The following ABCD2 variants were observed in gnomAD, a reference collection of about 807,000 sequenced individuals.
ABCD2 encodes ATP-binding cassette sub-family D member 2.
A neutral mutation model predicts 70.9 loss-of-function variants in ABCD2; 36 were observed. That is an observed-to-expected ratio of 0.51 (90% CI 0.39 to 0.67). The LOEUF (loss-of-function observed/expected upper bound fraction) is 0.67. Among genes scored for constraint, ABCD2 ranks in the 30% least tolerant of loss-of-function variants. ABCD2 has a pLI of 0.00. For synonymous variants in ABCD2, 304 were observed against 306.9 expected, an observed-to-expected ratio of 0.99 and a Z score of 0.10; for missense variants, 729 against 890.2, an observed-to-expected ratio of 0.82 and a Z score of 2.30.
At position 39,619,660 on chromosome 12, in the gene ABCD2, A is replaced by C. The variant is rs1408865058; in HGVS notation, c.-45T>G. The C allele has an allele frequency of 1.3e-6, 2 of 1,532,178 alleles. No homozygotes were observed. The highest frequency in any genetic ancestry group is 4.5e-5 in the East Asian group (2 of 44,076). 94.9% of individuals were successfully genotyped at this position (1,532,178 alleles called of 1,614,324 possible). On this transcript the variant is annotated 5_prime_UTR_variant, in exon 1 of 10. Transcript: ENST00000308666. ...GGCTTCCAAAAGAATTCGTTTTAAA[A>C]GATCATGCTTCACAGAAATCCCCAG...
chr12:39,609,675 C>A (rs888553394), intron 2 of ABCD2, among the ~76,000 whole-genome samples: 4 of 152,060 alleles, frequency 2.6e-5, no homozygotes, highest in African/African-American at 9.7e-5. Flanking sequence ...AGCCATAGGC[C>A]CATTTTGATA....
intron 9 of ABCD2, among the ~76,000 whole-genome samples, chr12:39,562,365 C>T (rs1328937552): frequency 6.6e-6 from 1 of 151,242 alleles, no homozygotes; most frequent in African/African-American, 2.4e-5. Context: ...TAAAATAGAG[C>T]CTGGAAAAAC....
chr12:39,579,640 T>C (rs762237627), intron 7 of ABCD2, 21 bp from the exon 8 acceptor site: 2 of 1,542,042 alleles, frequency 1.3e-6, no homozygotes, highest in Admixed American at 1.7e-5. Flanking sequence ...TAAAAAAATA[T>C]ACATTTTTAT....
intron 9 of ABCD2, among the ~76,000 whole-genome samples, chr12:39,572,047 T>G (rs1186317802): frequency 6.6e-6 from 1 of 152,132 alleles, no homozygotes; most frequent in Non-Finnish European, 1.5e-5. Flanking sequence ...GAAATGTACT[T>G]GGGTAGCTGC....
At chr12:39,540,839 A>G in the ABCD2 span, among the ~76,000 whole-genome samples, 1 of 152,194 alleles carries the variant, frequency 6.6e-6, no homozygotes, top group Non-Finnish European at 1.5e-5. Context: ...AAACCAATGT[A>G]TTTCTTAAAT....
chr12:39,611,495 G>A (rs955507867), intron 2 of ABCD2, among the ~76,000 whole-genome samples: 4 of 151,904 alleles, frequency 2.6e-5, no homozygotes, highest in Non-Finnish European at 5.9e-5. Flanking sequence ...TTGTCATCTT[G>A]ACAAATCTTG....
intron 1 of ABCD2, 142 bp downstream of exon 1, chr12:39,618,535 A>G (rs1449950699): frequency 2.9e-5 from 21 of 715,190 alleles, no homozygotes; most frequent in Non-Finnish European, 2.5e-5. Context: ...TGAAGCATAT[A>G]TTTTAATTCA....
At chr12:39,570,675 A>C (rs1328400706) in intron 9 of ABCD2, among the ~76,000 whole-genome samples, 2 of 152,140 alleles carry the variant, frequency 1.3e-5, no homozygotes, top group African/African-American at 4.8e-5. Context: ...ATAAATTTGA[A>C]ATGACAATGA....
the ABCD2 span, among the ~76,000 whole-genome samples, chr12:39,533,200 T>C: frequency 6.6e-6 from 1 of 151,062 alleles, no homozygotes; most frequent in Non-Finnish European, 1.5e-5. Context: ...AAAAAGAAAA[T>C]AGAGAAAGGT....
chr12:39,587,851 C>A (rs1050306324), intron 6 of ABCD2, among the ~76,000 whole-genome samples: 2 of 152,018 alleles, frequency 1.3e-5, no homozygotes, highest in Admixed American at 6.6e-5. Flanking sequence ...AACCACACAG[C>A]GAAGGGGATG....
At chr12:39,612,009 A>G (rs1035257465) in intron 2 of ABCD2, among the ~76,000 whole-genome samples, 1 of 152,194 alleles carries the variant, frequency 6.6e-6, no homozygotes, top group South Asian at 2.1e-4. Flanking sequence ...CTCAATAGTC[A>G]TTAGAGAAAT....
chr12:39,603,891 G>C, intron 5 of ABCD2, 21 bp downstream of exon 5: 1 of 1,552,844 alleles, frequency 6.4e-7, no homozygotes, highest in Admixed American at 1.7e-5. Flanking sequence ...ACAATCAGAA[G>C]ATTCTTGAAT....
the ABCD2 span, chr12:39,539,835 GTTATAATAACA>G: frequency 6.5e-6 from 1 of 154,642 alleles, no homozygotes; most frequent in Non-Finnish European, 1.5e-5. Context: ...CAGCCAGGCT[GTTATAATAACA>G]GCATTATAAC....
intron 2 of ABCD2, among the ~76,000 whole-genome samples, chr12:39,609,221 T>C (rs550599523): frequency 6.6e-6 from 1 of 152,284 alleles, no homozygotes; most frequent in South Asian, 2.1e-4. Context: ...TTACTGTCAA[T>C]GGAGAATTAT....
chr12:39,543,816 C>A, the ABCD2 span, among the ~76,000 whole-genome samples: 1 of 152,306 alleles, frequency 6.6e-6, no homozygotes, highest in African/African-American at 2.4e-5. Context: ...ACTTATTCCA[C>A]AAACATATAT....
the ABCD2 span, among the ~76,000 whole-genome samples, chr12:39,534,756 GAAAGAGAAAGAAAGAAAGAA>G: frequency 1.3e-4 from 10 of 77,210 alleles, 1 homozygote; most frequent in South Asian, 2.6e-3. Context: ...AGGAAAGAAA[GAAAGAGAAAGAAAGAAAGAA>G]AGAAAGAAAG....
At chr12:39,572,473 G>A (rs1366294135) in intron 9 of ABCD2, among the ~76,000 whole-genome samples, 1 of 152,110 alleles carries the variant, frequency 6.6e-6, no homozygotes, top group African/African-American at 2.4e-5. Context: ...ACTCATGCTG[G>A]ACTAGATCCA....
At chr12:39,611,026 G>A (rs1942037620) in intron 2 of ABCD2, among the ~76,000 whole-genome samples, 1 of 152,074 alleles carries the variant, frequency 6.6e-6, no homozygotes, top group Admixed American at 6.6e-5. Flanking sequence ...CTCATTTAAG[G>A]ATTTCATATT....
the ABCD2 span, among the ~76,000 whole-genome samples, chr12:39,541,816 G>T: frequency 6.6e-6 from 1 of 151,970 alleles, no homozygotes; most frequent in Non-Finnish European, 1.5e-5. Context: ...TATAGTATGA[G>T]AATGAACAAA....
Sources: allele counts gnomAD v4.1 joint callset (sites outside exome capture counted in the v4.1 genomes callset), GRCh38; gene constraint gnomAD v4.1.1; transcripts MANE v1.5; gene names NCBI Gene and HGNC (gene_info 2026-07-23, HGNC 2026-07-21).